ARSH: variants seen among roughly 807,000 people sequenced by gnomAD.
ARSH encodes the protein arylsulfatase H.
In ARSH, 32 loss-of-function variants were observed where a neutral mutation model predicts 28.7. The ratio of observed to expected loss-of-function variants is 1.11; its 90% CI spans 0.84 to 1.50. ARSH has a LOEUF of 1.50. Ranked by LOEUF, ARSH falls within the 40% of genes most tolerant of loss-of-function variation. The pLI, the probability that ARSH is intolerant of heterozygous loss-of-function variation, is 0.00. For missense variants in ARSH, 440 were observed against 452.4 expected (o/e 0.97, Z 0.25); for synonymous variants, 176 against 177.3 (o/e 0.99, Z 0.06).
At chrX:3,009,151 C>A (rs975517967) in intron 1 of ARSH, among the ~76,000 whole-genome samples, 2 of 110,774 alleles carry the variant, frequency 1.8e-5, no homozygotes, top group Admixed American at 1.9e-4. Flanking sequence ...TTGAGACCAG[C>A]CTGGGCAAAA....
chrX:3,015,476 G>A, intron 4 of ARSH, 83 bp downstream of exon 4: 1 of 977,554 alleles, frequency 1.0e-6, no homozygotes, highest in Non-Finnish European at 1.4e-6. Flanking sequence ...TGATAACATG[G>A]GCCTTTAAAA....
intron 8 of ARSH, 122 bp from the exon 9 acceptor site, chrX:3,032,896 A>T: frequency 1.4e-6 from 1 of 697,168 alleles, no homozygotes; most frequent in Non-Finnish European, 2.1e-6. Context: ...GTTGCTGTGT[A>T]ATGCTGTGCA....
In ARSH at chrX:3,008,434, G is replaced by C. The variant is rs192458780; in HGVS notation, c.93-1596G>C. Among the ~76,000 whole-genome samples the C allele has an allele frequency of 3.9e-4, 42 of 108,784 alleles. 1 individual carries two copies. The highest frequency in any genetic ancestry group is 5.9e-4 in the Admixed American group (6 of 10,181). The allele number at this position is 108,784 out of a possible 115,157, so 94.5% of individuals were successfully genotyped here. On this transcript the variant is annotated intron_variant, in intron 1 of 8. Transcript: ENST00000381130. Reference sequence around the variant, plus strand: ...TATATTTGTTGATTGAAAGGCATTGGTCTTCTTCTTCTTATTTTCTTTCTT... The same window carrying C: ...TATATTTGTTGATTGAAAGGCATTGCTCTTCTTCTTCTTATTTTCTTTCTT...
intron 5 of ARSH, among the ~76,000 whole-genome samples, chrX:3,023,168 T>A (rs758752597): frequency 9.6e-6 from 1 of 104,355 alleles, no homozygotes; most frequent in East Asian, 2.9e-4. Flanking sequence ...TAATATAATT[T>A]ATATAATTAC....
intron 5 of ARSH, among the ~76,000 whole-genome samples, chrX:3,020,811 A>ATG (rs1483939075): frequency 9.1e-6 from 1 of 110,321 alleles, no homozygotes; most frequent in Non-Finnish European, 1.9e-5. Context: ...TGGGATGTGT[A>ATG]TGTGTGTGTA....
intron 4 of ARSH, among the ~76,000 whole-genome samples, chrX:3,018,030 C>T (rs1348300910): frequency 8.9e-6 from 1 of 112,300 alleles, no homozygotes; most frequent in Non-Finnish European, 1.9e-5. Context: ...GACAGGGTCT[C>T]ACTGCGTTGC....
chrX:3,025,078 G>C (rs1478117583), intron 6 of ARSH, among the ~76,000 whole-genome samples: 1 of 108,983 alleles, frequency 9.2e-6, no homozygotes, highest in African/African-American at 3.3e-5. Context: ...CGTATTAATT[G>C]TATGTAATAT....
intron 3 of ARSH, among the ~76,000 whole-genome samples, chrX:3,014,601 C>T (rs2089860420): frequency 9.0e-6 from 1 of 111,370 alleles, no homozygotes; most frequent in Admixed American, 9.6e-5. Context: ...GTATTGTCCC[C>T]ACCAAACAAC....
At chrX:3,032,381 AAGGG>A (rs1451733856) in intron 8 of ARSH, among the ~76,000 whole-genome samples, 1 of 104,710 alleles carries the variant, frequency 9.6e-6, no homozygotes, top group African/African-American at 3.5e-5. Context: ...AGAAGAAAGG[AAGGG>A]AGGGAGGGAG....
intron 5 of ARSH, among the ~76,000 whole-genome samples, chrX:3,021,445 T>C (rs1309636268): frequency 2.7e-5 from 3 of 111,688 alleles, no homozygotes; most frequent in Non-Finnish European, 5.6e-5. Context: ...TCATTTCTTA[T>C]AAAAATTCTA....
At chrX:3,013,249 A>G (rs1013498207) in intron 3 of ARSH, 77 bp downstream of exon 3, 10 of 1,104,113 alleles carry the variant, frequency 9.1e-6, no homozygotes, top group Non-Finnish European at 1.2e-5. Flanking sequence ...GTTTCCGGGG[A>G]TGTTGGCTTT....
Position 3,010,102 on chromosome X carries a change from C to T in ARSH, c.165C>T (p.Cys55=), listed in dbSNP as rs149992764. The change falls in exon 2 of 9, where the codon TGC becomes TGT. Residue 55 remains cysteine, a synonymous_variant. Transcript: ENST00000381130. ...LTQHLAAASM[C]TPSRAAFLTG... ...AGCATCTCGCAGCTGCTTCCATGTG[C>T]ACCCCAAGTCGGGCTGCCTTCCTGA... The T allele has an allele frequency of 5.0e-6, 6 of 1,209,716 alleles. No individual in the cohort carries two copies. Among genetic ancestry groups the T allele is most frequent in the African/African-American group, 3.5e-5 (2 of 57,211 alleles).
rs772522814 is a variant in ARSH at position 3,008,385 on chromosome X, C to T, written c.93-1645C>T. ...TTGTTTCTTCTTGGAATGCAGATCA[C>T]AGTCTAGTCCTATATCTTAAGCATA... On this transcript the variant is annotated intron_variant, in intron 1 of 8. Coordinates refer to ENST00000381130, the MANE Select transcript of ARSH (RefSeq NM_001011719.2). 6.2e-4 allele frequency among the ~76,000 whole-genome samples: 69 copies of T among 111,549 alleles called. No individual in the cohort carries two copies. In the Middle Eastern group the frequency reaches 0.018, roughly 30 times the overall value.
At chrX:3,028,298 C>A (rs1004656176) in intron 7 of ARSH, among the ~76,000 whole-genome samples, 1 of 107,832 alleles carries the variant, frequency 9.3e-6, no homozygotes. Flanking sequence ...GCAATCTCTG[C>A]GTCCCGGGTT....
intron 1 of ARSH, among the ~76,000 whole-genome samples, chrX:3,008,748 T>G (rs1347933280): frequency 9.2e-6 from 1 of 108,600 alleles, no homozygotes; most frequent in African/African-American, 3.3e-5. Context: ...TTTGTTTTTT[T>G]TTTGTTTTTT....
chrX:3,029,185 T>C, intron 7 of ARSH, 62 bp from the exon 8 acceptor site: 3 of 1,108,743 alleles, frequency 2.7e-6, no homozygotes, highest in Non-Finnish European at 3.6e-6. Flanking sequence ...TCTTCTGCTA[T>C]AAAATGCGTG....
rs61997197 is a variant in ARSH, at chrX:3,015,282, C to T, written c.653C>T (p.Thr218Ile). Residue 218 changes from threonine (T) to isoleucine (I), a missense_variant, in exon 4 of 9, where the codon ACT becomes ATT. By Grantham distance (89) the Thr-to-Ile change is moderately conservative. Transcript: ENST00000381130. ...TCCTGGTACTCTAGTTATGGATTTA[C>T]TCGACGTTGGAATTGCATCCTTATG... ...FTSWYSSYGF[T>I]RRWNCILMRN... 6.8e-3 allele frequency: 8,266 copies of T among 1,209,505 alleles called. 331 individuals carry two copies. The African/African-American group carries it at 0.12, about 18-fold the overall frequency.
chrX:3,024,281 C>A, intron 6 of ARSH, 126 bp downstream of exon 6: 3 of 727,435 alleles, frequency 4.1e-6, no homozygotes, highest in Non-Finnish European at 5.4e-6. Context: ...TCTTATTAAG[C>A]TAGACCGAAA....
intron 1 of ARSH, among the ~76,000 whole-genome samples, chrX:3,009,738 C>A (rs938477738): frequency 9.0e-5 from 10 of 111,297 alleles, no homozygotes; most frequent in African/African-American, 3.3e-4. Context: ...AAGAAATTGG[C>A]TAATTTTTCC....
Sources: allele counts gnomAD v4.1 joint callset (sites outside exome capture counted in the v4.1 genomes callset), GRCh38; gene constraint gnomAD v4.1.1; transcripts MANE v1.5; gene names NCBI Gene and HGNC (gene_info 2026-07-23, HGNC 2026-07-21).